TPST1: variants seen among roughly 807,000 people sequenced by gnomAD.
The protein encoded by TPST1 is tyrosylprotein sulfotransferase 1, also known as protein-tyrosine sulfotransferase 1.
A neutral mutation model predicts 34.8 loss-of-function variants in TPST1; 20 were observed. The ratio of observed to expected loss-of-function variants is 0.57; its 90% CI spans 0.40 to 0.84. The LOEUF is 0.84. Among genes scored for constraint, TPST1 ranks in the 40% least tolerant of loss-of-function variants. The pLI, the probability that TPST1 is intolerant of heterozygous loss-of-function variation, is 0.00. For synonymous variants in TPST1, 152 were observed against 159.4 expected (o/e 0.95, Z 0.35); for missense variants, 353 against 455.5 (o/e 0.78, Z 2.05).
chr7:66,227,995 T>C (rs1789700214), intron 1 of TPST1, among the ~76,000 whole-genome samples: 1 of 152,180 alleles, frequency 6.6e-6, no homozygotes, highest in South Asian at 2.1e-4. Flanking sequence ...ATCCTTTCAG[T>C]AGAGTACTAT....
Position 66,356,806 on chromosome 7 carries a change from C to T in TPST1, c.1096-19C>T, listed in dbSNP as rs1188763235. On this transcript the variant is annotated intron_variant, in intron 4 of 5. Transcript: ENST00000304842. ...ACCAACTTCAAGGACATTAAAACATCTTTTCTTTCCTTCAACAGACTGAGC... is the reference window on the plus strand; with the variant it reads ...ACCAACTTCAAGGACATTAAAACATTTTTTCTTTCCTTCAACAGACTGAGC... 6.2e-7 allele frequency: 1 copy of T among 1,614,148 alleles called. No individual in the cohort carries two copies. The highest frequency in any genetic ancestry group is 8.5e-7 in the Non-Finnish European group (1 of 1,180,012).
chr7:66,274,768 C>A (rs1460351460), intron 2 of TPST1, among the ~76,000 whole-genome samples: 1 of 151,918 alleles, frequency 6.6e-6, no homozygotes, highest in Non-Finnish European at 1.5e-5. Context: ...GGGCAAAGAA[C>A]CTGATAGACA....
chr7:66,321,091 G>T (rs1234499421), intron 3 of TPST1, among the ~76,000 whole-genome samples: 1 of 152,284 alleles, frequency 6.6e-6, no homozygotes, highest in East Asian at 1.9e-4. Flanking sequence ...CAGAAGTTAT[G>T]ATTATGATTA....
intron 3 of TPST1, among the ~76,000 whole-genome samples, chr7:66,310,528 G>A (rs1791509154): frequency 6.6e-6 from 1 of 152,122 alleles, no homozygotes; most frequent in African/African-American, 2.4e-5. Flanking sequence ...CAGTGTGTAA[G>A]GGAATAAAGC....
At chr7:66,202,294 C>G (rs953301931), upstream of TPST1, among the ~76,000 whole-genome samples, 2 of 152,110 alleles carry the variant, frequency 1.3e-5, no homozygotes, top group African/African-American at 4.8e-5. Flanking sequence ...GAGGCTGGAC[C>G]CTGCTTCTTA....
At chr7:66,242,547 T>C (rs1790057323) in intron 2 of TPST1, among the ~76,000 whole-genome samples, 1 of 152,210 alleles carries the variant, frequency 6.6e-6, no homozygotes, top group Non-Finnish European at 1.5e-5. Context: ...CTAGGTTGTT[T>C]TTATTGATTC....
At position 66,318,521 on chromosome 7, in the gene TPST1, C is replaced by G. The variant is rs555244726; in HGVS notation, c.1044+31812C>G. Among the ~76,000 whole-genome samples the G allele has an allele frequency of 1.4e-4, 21 of 151,422 alleles. No homozygotes were observed. The South Asian group carries it at 4.4e-3, about 32-fold the overall frequency. ...CTCACTCTGTTGTCAGGCTGGAGTG[C>G]AGTGGCACGATCTCAGCTCACTGCA... On this transcript the variant is annotated intron_variant, in intron 3 of 5. Transcript: ENST00000304842.
At chr7:66,234,400 T>TACACACACACAGACACACACAC (rs561856939) in intron 1 of TPST1, among the ~76,000 whole-genome samples, 141 of 142,948 alleles carry the variant, frequency 9.9e-4, no homozygotes, top group African/African-American at 3.4e-3. Flanking sequence ...AAAGCATGGC[T>TACACACACACAGACACACACAC]ACACACACAC....
chr7:66,240,222 C>CT (rs1789999966), intron 1 of TPST1, 103 bp from the exon 2 acceptor site: 5 of 655,336 alleles, frequency 7.6e-6, no homozygotes, highest in South Asian at 2.1e-5. Context: ...GAATCCAAGA[C>CT]TGTTTCAGCT....
chr7:66,280,110 C>T (rs1215410537), intron 2 of TPST1, among the ~76,000 whole-genome samples: 3 of 152,216 alleles, frequency 2.0e-5, no homozygotes, highest in Admixed American at 1.3e-4. Flanking sequence ...GGGCTGCAGA[C>T]GGAAATCCTG....
intron 2 of TPST1, among the ~76,000 whole-genome samples, chr7:66,267,341 A>G (rs959835786): frequency 2.0e-5 from 3 of 152,194 alleles, no homozygotes; most frequent in Non-Finnish European, 2.9e-5. Flanking sequence ...CATTTAACCA[A>G]ATTGGTTCTG....
upstream of TPST1, among the ~76,000 whole-genome samples, chr7:66,203,686 C>T (rs537451830): frequency 1.2e-4 from 18 of 151,764 alleles, no homozygotes; most frequent in East Asian, 2.0e-3. Context: ...GGGGTTTCAC[C>T]GTGTTAACCA....
At chr7:66,236,347 C>T (rs1216400067) in intron 1 of TPST1, among the ~76,000 whole-genome samples, 1 of 151,946 alleles carries the variant, frequency 6.6e-6, no homozygotes, top group African/African-American at 2.4e-5. Flanking sequence ...TGCTTTTTCA[C>T]TCTGTCTCTA....
chr7:66,278,453 G>A (rs1476915126), intron 2 of TPST1, among the ~76,000 whole-genome samples: 3 of 152,012 alleles, frequency 2.0e-5, no homozygotes, highest in Non-Finnish European at 2.9e-5. Flanking sequence ...GATACTCTTC[G>A]TGATTCTGCG....
intron 3 of TPST1, among the ~76,000 whole-genome samples, chr7:66,352,049 G>A (rs1489621844): frequency 6.6e-6 from 1 of 152,092 alleles, no homozygotes; most frequent in African/African-American, 2.4e-5. Flanking sequence ...AAATCACCAT[G>A]AGAATTCTGG....
intron 1 of TPST1, among the ~76,000 whole-genome samples, chr7:66,206,556 C>T (rs887341897): frequency 6.6e-6 from 1 of 152,184 alleles, no homozygotes; most frequent in Non-Finnish European, 1.5e-5. Context: ...AGAAACAATT[C>T]TGCTATCCGT....
intron 1 of TPST1, among the ~76,000 whole-genome samples, chr7:66,206,210 C>T (rs1285991975): frequency 1.3e-5 from 2 of 151,360 alleles, no homozygotes; most frequent in Admixed American, 1.3e-4. Context: ...CCTTCTGCCT[C>T]GGCCTCCAAA....
At chr7:66,233,890 GTC>G in intron 1 of TPST1, among the ~76,000 whole-genome samples, 1 of 151,582 alleles carries the variant, frequency 6.6e-6, no homozygotes, top group South Asian at 2.1e-4. Context: ...AGACAAGAGT[GTC>G]TCTCTCTCAC....
Position 66,240,807 on chromosome 7 carries a change from G to A in TPST1, c.382G>A (p.Gly128Ser). The A allele has an allele frequency of 6.2e-7, 1 of 1,614,172 alleles. No individual in the cohort carries two copies. The highest frequency in any genetic ancestry group is 8.5e-7 in the Non-Finnish European group (1 of 1,180,024). ...AGAGAAGATCCGCCTGGATGAGGCT[G>A]GTGTTACTGATGAAGTGCTGGATTC... ...SKEKIRLDEA[G>S]VTDEVLDSAM... Residue 128 changes from glycine (G) to serine (S), a missense_variant, in exon 2 of 6, where the codon GGT becomes AGT. By Grantham distance (56) the Gly-to-Ser change is moderately conservative. Transcript: ENST00000304842.
Sources: gnomAD v4.1 joint callset for allele counts (sites outside exome capture counted in the v4.1 genomes callset) on GRCh38, gnomAD v4.1.1 for gene constraint, MANE v1.5 for transcripts, NCBI Gene and HGNC (gene_info 2026-07-23, HGNC 2026-07-21) for gene names.